The following KCNMA1 variants were observed in gnomAD, a reference collection of about 807,000 sequenced individuals.
The protein encoded by KCNMA1 is potassium calcium-activated channel subfamily M alpha 1.
A neutral mutation model predicts 140.0 loss-of-function variants in KCNMA1; 29 were observed. That is an observed-to-expected ratio of 0.21 (90% CI 0.15 to 0.28). The LOEUF is 0.28. Ranked by LOEUF, KCNMA1 falls within the 10% of genes least tolerant of loss-of-function variation. KCNMA1 has a pLI of 1.00. For synonymous variants in KCNMA1, 612 were observed against 611.9 expected (o/e 1.00, Z 0.00); for missense variants, 880 against 1,602.2 (o/e 0.55, Z 7.70).
intron 19 of KCNMA1, among the ~76,000 whole-genome samples, chr10:77,000,946 A>C (rs1359437819): frequency 6.8e-6 from 1 of 146,638 alleles, no homozygotes; most frequent in African/African-American, 2.5e-5. Flanking sequence ...CTATCTAAGA[A>C]ACTATCTAAG....
At chr10:77,158,347 CTTA>C (rs1449163467) in intron 5 of KCNMA1, among the ~76,000 whole-genome samples, 1 of 152,232 alleles carries the variant, frequency 6.6e-6, no homozygotes, top group Non-Finnish European at 1.5e-5. Flanking sequence ...AGCTCATCTC[CTTA>C]TTATAGGTGA....
At chr10:77,148,550 T>C (rs1179024246) in intron 5 of KCNMA1, among the ~76,000 whole-genome samples, 1 of 152,156 alleles carries the variant, frequency 6.6e-6, no homozygotes, top group Non-Finnish European at 1.5e-5. Flanking sequence ...ATTAATTTGC[T>C]ACCAGGCACA....
intron 23 of KCNMA1, among the ~76,000 whole-genome samples, chr10:76,921,623 C>T (rs2055818020): frequency 6.6e-6 from 1 of 152,114 alleles, no homozygotes; most frequent in South Asian, 2.1e-4. Context: ...CTGAATAGCT[C>T]CCCTGAGCAA....
intron 6 of KCNMA1, among the ~76,000 whole-genome samples, chr10:77,114,913 A>T (rs1027112708): frequency 6.6e-6 from 1 of 152,162 alleles, no homozygotes; most frequent in Non-Finnish European, 1.5e-5. Context: ...CATCTCTGTT[A>T]TGACTGCCCT....
chr10:76,981,966 GCCC>G (rs2079623122), intron 19 of KCNMA1, among the ~76,000 whole-genome samples: 1 of 152,138 alleles, frequency 6.6e-6, no homozygotes, highest in Non-Finnish European at 1.5e-5. Context: ...GTGATCAGGA[GCCC>G]CGGGGTTCTA....
At chr10:76,924,709 G>A (rs951759991) in intron 23 of KCNMA1, among the ~76,000 whole-genome samples, 2 of 143,630 alleles carry the variant, frequency 1.4e-5, no homozygotes, top group African/African-American at 5.0e-5. Flanking sequence ...ACAAAGCAAA[G>A]GGGCTTTAAA....
chr10:77,040,673 C>T (rs141121600), intron 14 of KCNMA1, among the ~76,000 whole-genome samples: 2 of 152,036 alleles, frequency 1.3e-5, no homozygotes, highest in African/African-American at 2.4e-5. Context: ...TCTATAGATT[C>T]CTGTATTGTC....
intron 2 of KCNMA1, among the ~76,000 whole-genome samples, chr10:77,356,955 G>T (rs1603377859): frequency 6.6e-6 from 1 of 152,180 alleles, no homozygotes; most frequent in Non-Finnish European, 1.5e-5. Context: ...ATATAAAAGA[G>T]AATCTATCTT....
chr10:77,074,023 C>T (rs1227770353), intron 13 of KCNMA1, among the ~76,000 whole-genome samples: 1 of 152,084 alleles, frequency 6.6e-6, no homozygotes, highest in Non-Finnish European at 1.5e-5. Flanking sequence ...ATGAAAGAAT[C>T]AAAGTTCAAA....
chr10:77,514,159 C>T (rs796901812), intron 1 of KCNMA1, among the ~76,000 whole-genome samples: 10 of 152,230 alleles, frequency 6.6e-5, no homozygotes, highest in African/African-American at 1.4e-4. Context: ...TGCCCTGATG[C>T]GTCAGACCTT....
chr10:77,496,234 G>C (rs568966299), intron 1 of KCNMA1, among the ~76,000 whole-genome samples: 1 of 152,056 alleles, frequency 6.6e-6, no homozygotes, highest in Non-Finnish European at 1.5e-5. Flanking sequence ...CACCAGGTGC[G>C]GGTCTTCAAG....
chr10:77,128,019 T>C (rs1331433089), intron 5 of KCNMA1, among the ~76,000 whole-genome samples: 1 of 152,076 alleles, frequency 6.6e-6, no homozygotes, highest in Non-Finnish European at 1.5e-5. Context: ...CCTAATTTGA[T>C]AGACCCCAAA....
intron 2 of KCNMA1, among the ~76,000 whole-genome samples, chr10:77,391,767 C>T (rs996411234): frequency 6.6e-6 from 1 of 152,038 alleles, no homozygotes; most frequent in South Asian, 2.1e-4. Flanking sequence ...AACATAGCCT[C>T]GTAAACTAAA....
In KCNMA1 at chr10:76,970,234, G is replaced by A. The variant is rs558552304; in HGVS notation, c.2267-167C>T. The A allele has an allele frequency of 4.0e-5, 27 of 673,336 alleles. 1 individual carries two copies. The highest frequency in any genetic ancestry group is 3.7e-4 in the African/African-American group (21 of 56,514). The allele number at this position is 673,336 out of a possible 1,614,324, so 41.7% of individuals were successfully genotyped here. ...ACCAAATGTGTTAGTCAAAGAGGCC[G>A]GCTTAGAGAAGGTGAAGGCAACACC... On this transcript the variant is annotated intron_variant, in intron 19 of 27. Transcript: ENST00000286628.
intron 2 of KCNMA1, among the ~76,000 whole-genome samples, chr10:77,358,660 A>G (rs1305906153): frequency 6.6e-6 from 1 of 152,194 alleles, no homozygotes; most frequent in African/African-American, 2.4e-5. Context: ...CCTGCCCTCA[A>G]CACAGACTTC....
intron 17 of KCNMA1, among the ~76,000 whole-genome samples, 185 bp downstream of exon 17, chr10:77,018,828 T>C (rs1463506383): frequency 1.3e-5 from 2 of 152,160 alleles, no homozygotes; most frequent in African/African-American, 4.8e-5. Flanking sequence ...TCTAAAATTT[T>C]ATTATTCTCA....
intron 1 of KCNMA1, among the ~76,000 whole-genome samples, chr10:77,527,311 T>C (rs1459366472): frequency 6.6e-6 from 1 of 152,170 alleles, no homozygotes; most frequent in East Asian, 1.9e-4. Context: ...TCCCCAGGGA[T>C]CCCCCACTTT....
intron 2 of KCNMA1, among the ~76,000 whole-genome samples, chr10:77,278,129 T>C (rs2067225797): frequency 6.6e-6 from 1 of 152,228 alleles, no homozygotes; most frequent in South Asian, 2.1e-4. Flanking sequence ...CAATGTCATT[T>C]GCATTTAAGC....
intron 2 of KCNMA1, among the ~76,000 whole-genome samples, chr10:77,382,997 T>TATAC: frequency 3.0e-5 from 1 of 33,832 alleles, no homozygotes; most frequent in Non-Finnish European, 5.5e-5. Context: ...TGTGTGTGTA[T>TATAC]ATATATATAT....
Sources: gnomAD v4.1 joint callset for allele counts (sites outside exome capture counted in the v4.1 genomes callset) on GRCh38, gnomAD v4.1.1 for gene constraint, MANE v1.5 for transcripts, NCBI Gene and HGNC (gene_info 2026-07-23, HGNC 2026-07-21) for gene names.